ERBB4: variants seen among roughly 807,000 people sequenced by gnomAD.
ERBB4 encodes the protein erb-b2 receptor tyrosine kinase 4, also known as receptor tyrosine-protein kinase erbB-4.
In ERBB4, 42 loss-of-function variants were observed where a neutral mutation model predicts 158.0. That is an observed-to-expected ratio of 0.27 (90% confidence interval 0.21 to 0.34). The LOEUF is 0.34. ERBB4 is among the 10% of genes least tolerant of loss of function. The probability of loss-of-function intolerance (pLI) is 1.00; values close to 1 mark genes in which losing one functional copy is unlikely to be tolerated. For synonymous variants in ERBB4, 583 were observed against 558.7 expected, an observed-to-expected ratio of 1.04 and a Z score of -0.61; for missense variants, 1,333 against 1,624.1, an observed-to-expected ratio of 0.82 and a Z score of 3.08.
chr2:211,908,698 G>A (rs2079462321), intron 3 of ERBB4, among the ~76,000 whole-genome samples: 1 of 151,650 alleles, frequency 6.6e-6, no homozygotes, highest in Admixed American at 6.6e-5. Context: ...AGTGACATTT[G>A]ATTACATTCC....
chr2:211,924,788 CT>C (rs2079971206), intron 3 of ERBB4, among the ~76,000 whole-genome samples: 2 of 151,970 alleles, frequency 1.3e-5, no homozygotes, highest in South Asian at 4.1e-4. Flanking sequence ...TAATATATAG[CT>C]TTTTTAATAT....
At chr2:211,920,833 G>A (rs2079839584) in intron 3 of ERBB4, among the ~76,000 whole-genome samples, 1 of 151,598 alleles carries the variant, frequency 6.6e-6, no homozygotes, top group African/African-American at 2.4e-5. Flanking sequence ...CAATTAGAGA[G>A]TCTTGTTTAT....
chr2:211,990,837 G>T (rs2082056341), intron 2 of ERBB4, among the ~76,000 whole-genome samples: 1 of 151,810 alleles, frequency 6.6e-6, no homozygotes, highest in Admixed American at 6.6e-5. Context: ...AGGAGTGCCA[G>T]ATTAGATGCT....
At chr2:211,454,011 G>T (rs1451335340) in intron 20 of ERBB4, among the ~76,000 whole-genome samples, 1 of 152,132 alleles carries the variant, frequency 6.6e-6, no homozygotes, top group Non-Finnish European at 1.5e-5. Flanking sequence ...TTTCATGAGA[G>T]TACAAAGGTA....
At chr2:211,971,650 A>G (rs903852866) in intron 2 of ERBB4, among the ~76,000 whole-genome samples, 4 of 152,168 alleles carry the variant, frequency 2.6e-5, no homozygotes, top group South Asian at 2.1e-4. Context: ...AAAATCCTCA[A>G]TGAAATACTA....
Position 211,406,805 on chromosome 2 carries a change from G to A in ERBB4, c.3135+13636C>T, listed in dbSNP as rs138715473. On this transcript the variant is annotated intron_variant, in intron 25 of 27. Transcript: ENST00000342788. The stretch of plus-strand genomic sequence containing the variant: ...TAGAAAAAACTAAACTCAAGGCCAG[G>A]TGCAGTGCCTCATGCTTATAATCCC... Among the ~76,000 whole-genome samples the A allele has an allele frequency of 9.6e-4, 146 of 152,238 alleles. No homozygotes were observed. In the East Asian group the frequency reaches 0.021, roughly 22 times the overall value.
chr2:212,475,850 A>G (rs1369885465), intron 1 of ERBB4, among the ~76,000 whole-genome samples: 1 of 152,070 alleles, frequency 6.6e-6, no homozygotes, highest in African/African-American at 2.4e-5. Flanking sequence ...TTTGGTATCT[A>G]TCCACTTCTC....
chr2:212,145,983 AAAGGGGAT>A (rs1305552371), intron 1 of ERBB4, among the ~76,000 whole-genome samples: 1 of 152,046 alleles, frequency 6.6e-6, no homozygotes, highest in African/African-American at 2.4e-5. Flanking sequence ...CTAAGGGCCC[AAAGGGGAT>A]AGTCTACTTA....
intron 3 of ERBB4, among the ~76,000 whole-genome samples, chr2:211,883,036 A>G (rs2078703666): frequency 6.6e-6 from 1 of 152,188 alleles, no homozygotes; most frequent in African/African-American, 2.4e-5. Flanking sequence ...TCACAATAGC[A>G]AAGACCAACT....
intron 1 of ERBB4, among the ~76,000 whole-genome samples, chr2:212,232,074 A>G (rs10188266): frequency 0.041 from 6,237 of 152,090 alleles, 394 homozygotes; most frequent in African/African-American, 0.14. Context: ...AATTAATTAA[A>G]CTCTTTATGC....
At chr2:212,335,421 A>T (rs1290062312) in intron 1 of ERBB4, among the ~76,000 whole-genome samples, 1 of 152,054 alleles carries the variant, frequency 6.6e-6, no homozygotes, top group East Asian at 1.9e-4. Flanking sequence ...TGTAATTTAA[A>T]AAAGAAAATT....
At chr2:211,921,679 A>C (rs901625958) in intron 3 of ERBB4, among the ~76,000 whole-genome samples, 1 of 152,022 alleles carries the variant, frequency 6.6e-6, no homozygotes, top group Non-Finnish European at 1.5e-5. Flanking sequence ...CAGGAGAGGG[A>C]GTGCTGGGTT....
chr2:212,400,540 A>G (rs1218734052), intron 1 of ERBB4, among the ~76,000 whole-genome samples: 1 of 152,178 alleles, frequency 6.6e-6, no homozygotes, highest in African/African-American at 2.4e-5. Flanking sequence ...ATAAAATCTT[A>G]TATAGTTCCC....
chr2:211,790,630 A>G (rs1362221528), intron 3 of ERBB4, among the ~76,000 whole-genome samples: 1 of 152,064 alleles, frequency 6.6e-6, no homozygotes, highest in Non-Finnish European at 1.5e-5. Flanking sequence ...GCATAATCTT[A>G]CACGTTAACA....
chr2:211,454,625 T>G (rs2064332619), intron 20 of ERBB4, among the ~76,000 whole-genome samples: 1 of 152,046 alleles, frequency 6.6e-6, no homozygotes, highest in Non-Finnish European at 1.5e-5. Context: ...TTTTAAAGAG[T>G]ACAAGTGACA....
chr2:211,684,060 G>A (rs1388642323), intron 12 of ERBB4, among the ~76,000 whole-genome samples: 3 of 151,930 alleles, frequency 2.0e-5, no homozygotes, highest in Admixed American at 2.0e-4. Flanking sequence ...TTGCTATTTA[G>A]TGCTACTTTT....
chr2:212,500,901 T>C (rs1053826160), intron 1 of ERBB4, among the ~76,000 whole-genome samples: 1 of 152,188 alleles, frequency 6.6e-6, no homozygotes, highest in Non-Finnish European at 1.5e-5. Context: ...CTGGCATATA[T>C]TGAGAAAATA....
intron 1 of ERBB4, among the ~76,000 whole-genome samples, chr2:212,179,063 G>A (rs1448398265): frequency 6.6e-6 from 1 of 151,566 alleles, no homozygotes; most frequent in Non-Finnish European, 1.5e-5. Context: ...ACATTGAAAT[G>A]AATGAAACTT....
chr2:211,882,512 C>G (rs753928266), intron 3 of ERBB4, among the ~76,000 whole-genome samples: 2 of 152,026 alleles, frequency 1.3e-5, no homozygotes, highest in African/African-American at 2.4e-5. Context: ...TATGGTTTCT[C>G]TATAGTGAGG....
Sources: allele counts gnomAD v4.1 joint callset (sites outside exome capture counted in the v4.1 genomes callset), GRCh38; gene constraint gnomAD v4.1.1; transcripts MANE v1.5; gene names NCBI Gene and HGNC (gene_info 2026-07-23, HGNC 2026-07-21).